ARHGAP29: variants seen among roughly 807,000 people sequenced by gnomAD.
The protein encoded by ARHGAP29 is Rho GTPase activating protein 29.
ARHGAP29 carries 43 observed loss-of-function variants against 122.6 expected under a neutral mutation model. The observed-to-expected ratio is 0.35, with a 90% CI of 0.27 to 0.45. The LOEUF (loss-of-function observed/expected upper bound fraction) is 0.45, where lower values mean the gene tolerates loss of function less well. Among genes scored for constraint, ARHGAP29 ranks in the 20% least tolerant of loss-of-function variants. The probability of loss-of-function intolerance (pLI) is 1.00; values close to 1 mark genes in which losing one functional copy is unlikely to be tolerated. For missense variants in ARHGAP29, 1,303 were observed against 1,477.2 expected, an observed-to-expected ratio of 0.88 and a Z score of 1.93; for synonymous variants, 506 against 497.1, an observed-to-expected ratio of 1.02 and a Z score of -0.24.
rs1042027056 is a variant in ARHGAP29 at position 94,173,475 on chromosome 1, A to G, written c.*394T>C. 6.3e-6 allele frequency: 1 copy of G among 159,642 alleles called. No individual in the cohort carries two copies. Among genetic ancestry groups the G allele is most frequent in the African/African-American group, 2.4e-5 (1 of 41,566 alleles). The allele number at this position is 159,642 out of a possible 1,614,324, so 9.9% of individuals were successfully genotyped here. On this transcript the variant is annotated 3_prime_UTR_variant, in exon 23 of 23. Coordinates refer to ENST00000260526, the MANE Select transcript of ARHGAP29 (RefSeq NM_004815.4). ...ATTCAGAAACATTCCTTTTATAAAT[A>G]AGCACTTATAACAGTTCCACTCCAA... is the stretch of plus-strand genomic sequence containing the variant.
chr1:94,183,432 T>A (rs1206154816), intron 19 of ARHGAP29, among the ~76,000 whole-genome samples: 3 of 152,138 alleles, frequency 2.0e-5, no homozygotes, highest in Non-Finnish European at 2.9e-5. Flanking sequence ...TAGAGCCATT[T>A]ATTTCATCCC....
intron 19 of ARHGAP29, among the ~76,000 whole-genome samples, chr1:94,181,478 C>A (rs1570489941): frequency 6.6e-6 from 1 of 152,102 alleles, no homozygotes; most frequent in Non-Finnish European, 1.5e-5. Context: ...ATCCTGTGGC[C>A]TTCTTAGCCT....
At position 94,208,916 on chromosome 1, in the gene ARHGAP29, G is replaced by A. The variant is rs1651396233; in HGVS notation, c.438-12C>T. On this transcript the variant is annotated splice_polypyrimidine_tract_variant and intron_variant, in intron 4 of 22. Coordinates refer to ENST00000260526, the MANE Select transcript of ARHGAP29 (RefSeq NM_004815.4). ...GGAAGTTTGTAAGGCTATCCAAGGA[G>A]GTTAAAAAAAGAAAGACAAGTCATT... is the stretch of plus-strand genomic sequence containing the variant. The A allele has an allele frequency of 5.0e-6, 8 of 1,609,196 alleles. No individual in the cohort carries two copies. The Admixed American group carries it at 1.2e-4, about 24-fold the overall frequency.
intron 1 of ARHGAP29, among the ~76,000 whole-genome samples, chr1:94,253,265 G>A (rs189236150): frequency 5.9e-5 from 9 of 152,126 alleles, no homozygotes; most frequent in African/African-American, 2.2e-4. Context: ...CACTGCGCCC[G>A]ATCCATTCTC....
At chr1:94,256,261 G>GCC (rs201913531) in intron 1 of ARHGAP29, among the ~76,000 whole-genome samples, 1 of 86,050 alleles carries the variant, frequency 1.2e-5, no homozygotes, top group African/African-American at 4.8e-5. Context: ...ATCAAGGAAT[G>GCC]ACTTTCTGTA....
chr1:94,178,646 T>C (rs924512936), intron 20 of ARHGAP29, among the ~76,000 whole-genome samples: 9 of 152,108 alleles, frequency 5.9e-5, no homozygotes, highest in African/African-American at 2.2e-4. Flanking sequence ...ATCTGAATTG[T>C]AATAAAGGCC....
intron 2 of ARHGAP29, among the ~76,000 whole-genome samples, chr1:94,225,599 G>A (rs1467724434): frequency 6.6e-6 from 1 of 152,002 alleles, no homozygotes; most frequent in African/African-American, 2.4e-5. Flanking sequence ...CATTTGCTGT[G>A]TAGAATCTAA....
At chr1:94,305,748 G>T in the ARHGAP29 span, among the ~76,000 whole-genome samples, 2 of 152,156 alleles carry the variant, frequency 1.3e-5, no homozygotes, top group Non-Finnish European at 2.9e-5. Context: ...GGTGTCAAAA[G>T]GAATCAGAAT....
At chr1:94,281,013 A>G in the ARHGAP29 span, among the ~76,000 whole-genome samples, 38 of 152,186 alleles carry the variant, frequency 2.5e-4, no homozygotes, top group African/African-American at 8.9e-4. Context: ...TATCACTTCC[A>G]GTGACACAGA....
rs373433310 is a variant in ARHGAP29, at chr1:94,170,491, C to T, written c.*3378G>A. 1.4e-4 allele frequency among the ~76,000 whole-genome samples: 21 copies of T among 152,226 alleles called. No individual in the cohort carries two copies. Among genetic ancestry groups the T allele is most frequent in the South Asian group, 1.2e-3 (6 of 4,822 alleles). On this transcript the variant is annotated 3_prime_UTR_variant, in exon 23 of 23. Transcript: ENST00000260526. Reference sequence around the variant, plus strand: ...CACTATGTGGTCCTGGATTGGGATGCTGAAACACAGGAACATTACTGAGGC... The same window carrying T: ...CACTATGTGGTCCTGGATTGGGATGTTGAAACACAGGAACATTACTGAGGC...
intron 1 of ARHGAP29, chr1:94,247,877 G>A (rs993442618): frequency 5.9e-6 from 1 of 170,934 alleles, no homozygotes; most frequent in Non-Finnish European, 1.2e-5. Context: ...CGCAGAACGC[G>A]GCGGTCAGCT....
At chr1:94,209,431 T>G in intron 3 of ARHGAP29, 81 bp from the exon 4 acceptor site, 1 of 785,948 alleles carries the variant, frequency 1.3e-6, no homozygotes, top group South Asian at 2.1e-5. Context: ...CTTTAAAACT[T>G]CATCATTAGT....
At chr1:94,296,194 A>T in the ARHGAP29 span, among the ~76,000 whole-genome samples, 1 of 152,176 alleles carries the variant, frequency 6.6e-6, no homozygotes, top group Admixed American at 6.5e-5. Flanking sequence ...ATCTTGCTCC[A>T]TCCGGCCTGG....
chr1:94,218,332 T>C (rs1281718215), intron 3 of ARHGAP29, among the ~76,000 whole-genome samples: 1 of 152,100 alleles, frequency 6.6e-6, no homozygotes, highest in South Asian at 2.1e-4. Context: ...AGCACAAAAG[T>C]AAAACAGTTA....
the ARHGAP29 span, among the ~76,000 whole-genome samples, chr1:94,292,058 G>A: frequency 6.6e-6 from 1 of 152,128 alleles, no homozygotes; most frequent in Non-Finnish European, 1.5e-5. Context: ...TTCTGACTTG[G>A]TTCCATTCTC....
At chr1:94,302,809 G>A in the ARHGAP29 span, 7 of 243,172 alleles carry the variant, frequency 2.9e-5, no homozygotes, top group South Asian at 1.7e-4. Context: ...GTGGTGAAGC[G>A]GCATCGGAGG....
intron 3 of ARHGAP29, among the ~76,000 whole-genome samples, chr1:94,218,162 C>G (rs946621870): frequency 6.6e-6 from 1 of 152,136 alleles, no homozygotes; most frequent in African/African-American, 2.4e-5. Flanking sequence ...TAAATGGCCT[C>G]AAAAGTGAGA....
chr1:94,187,444 A>G (rs6541413), intron 15 of ARHGAP29, among the ~76,000 whole-genome samples: 2,031 of 152,234 alleles, frequency 0.013, 47 homozygotes, highest in African/African-American at 0.047. Context: ...AGGTTGTATT[A>G]CTCCATTTTA....
chr1:94,312,803 T>A, the ARHGAP29 span, among the ~76,000 whole-genome samples: 1 of 151,656 alleles, frequency 6.6e-6, no homozygotes, highest in South Asian at 2.1e-4. Context: ...TATAGGTACT[T>A]CAATCTCAGT....
Sources: allele counts gnomAD v4.1 joint callset (sites outside exome capture counted in the v4.1 genomes callset), GRCh38; gene constraint gnomAD v4.1.1; transcripts MANE v1.5; gene names NCBI Gene and HGNC (gene_info 2026-07-23, HGNC 2026-07-21).